Variants in TBC1D8B observed in about 807,000 individuals in gnomAD.
The protein encoded by TBC1D8B is TBC1 domain family member 8B.
Under a neutral mutation model 82.9 loss-of-function variants are expected in TBC1D8B, and 75 were observed. The ratio of observed to expected loss-of-function variants is 0.90; its 90% CI spans 0.75 to 1.10. The LOEUF (loss-of-function observed/expected upper bound fraction) is 1.10. TBC1D8B is among the 50% of genes least tolerant of loss of function. The pLI is 0.00. For synonymous variants in TBC1D8B, 276 were observed against 276.8 expected (o/e 1.00, Z 0.03); for missense variants, 794 against 796.9 (o/e 1.00, Z 0.04).
intron 1 of TBC1D8B, among the ~76,000 whole-genome samples, chrX:106,810,461 T>C (rs1254055007): frequency 8.9e-6 from 1 of 111,879 alleles, no homozygotes; most frequent in Non-Finnish European, 1.9e-5. Flanking sequence ...TAAAGAGCAA[T>C]GTCTTAATCT....
chrX:106,807,669 C>T (rs1335072935), intron 1 of TBC1D8B, among the ~76,000 whole-genome samples: 1 of 110,988 alleles, frequency 9.0e-6, no homozygotes, highest in Non-Finnish European at 1.9e-5. Context: ...TACTTGATTT[C>T]AGAGAACGAA....
At chrX:106,812,937 A>G (rs1373172754) in intron 1 of TBC1D8B, among the ~76,000 whole-genome samples, 1 of 110,962 alleles carries the variant, frequency 9.0e-6, no homozygotes, top group Non-Finnish European at 1.9e-5. Flanking sequence ...CAAGTGATGC[A>G]ACCTCCGCCT....
Position 106,814,540 on chromosome X carries a change from T to G in TBC1D8B, c.131-4123T>G, listed in dbSNP as rs781483741. On this transcript the variant is annotated intron_variant, in intron 1 of 20. Coordinates refer to ENST00000357242, the MANE Select transcript of TBC1D8B (RefSeq NM_017752.3). ...TGTGTCTTTATAGCAGCATGATTTA[T>G]AGTCCTTTGGGTATATACCCAGTAA... 7.5e-5 allele frequency: 8 copies of G among 107,313 alleles called. No homozygotes were observed. The East Asian group carries it at 2.3e-3, about 31-fold the overall frequency. The allele number at this position is 107,313 out of a possible 1,213,427, so 8.8% of individuals were successfully genotyped here.
At chrX:106,824,597 T>G (rs1210502037) in intron 5 of TBC1D8B, among the ~76,000 whole-genome samples, 2 of 111,617 alleles carry the variant, frequency 1.8e-5, no homozygotes, top group Non-Finnish European at 3.8e-5. Flanking sequence ...TGTATTTCAT[T>G]TCTTTATTGG....
chrX:106,847,157 A>G (rs1277153142), intron 10 of TBC1D8B, among the ~76,000 whole-genome samples: 1 of 111,924 alleles, frequency 8.9e-6, no homozygotes, highest in Non-Finnish European at 1.9e-5. Context: ...AAAGATAACC[A>G]TTGCAGCATT....
chrX:106,869,411 T>C lies in TBC1D8B; in HGVS notation c.2813-74T>C, dbSNP rs181912851. 1.5e-4 allele frequency: 140 copies of C among 923,554 alleles called. No individual in the cohort carries two copies. The East Asian group carries it at 4.3e-3, about 29-fold the overall frequency. The allele number at this position is 923,554 out of a possible 1,213,427, so 76.1% of individuals were successfully genotyped here. On this transcript the variant is annotated intron_variant, in intron 18 of 20. Transcript: ENST00000357242. ...ATAAAATAATGTGCTTATACGTCTA[T>C]ATGAAACATTATTTTGCTTTCAAAG... is the stretch of plus-strand genomic sequence containing the variant.
At chrX:106,840,935 A>G in intron 10 of TBC1D8B, 51 bp downstream of exon 10, 1 of 1,069,684 alleles carries the variant, frequency 9.3e-7, no homozygotes, top group Non-Finnish European at 1.3e-6. Flanking sequence ...ATAAAATCAC[A>G]TCAAATCCAA....
intron 1 of TBC1D8B, among the ~76,000 whole-genome samples, chrX:106,812,375 C>T (rs1456783549): frequency 8.9e-6 from 1 of 111,889 alleles, no homozygotes; most frequent in East Asian, 2.8e-4. Flanking sequence ...AGCATGACAA[C>T]TTATGACAAG....
chrX:106,808,080 TAATA>T (rs756171183), intron 1 of TBC1D8B, among the ~76,000 whole-genome samples: 1 of 110,520 alleles, frequency 9.0e-6, no homozygotes, highest in African/African-American at 3.3e-5. Context: ...ATAATAATAA[TAATA>T]AATAAACCAA....
At chrX:106,847,246 C>T (rs1932477581) in intron 10 of TBC1D8B, among the ~76,000 whole-genome samples, 1 of 111,098 alleles carries the variant, frequency 9.0e-6, no homozygotes, top group Admixed American at 9.6e-5. Flanking sequence ...ATTAGATCCA[C>T]CTTAGATTTT....
rs1363652416 is a variant in TBC1D8B at position 106,854,282 on chromosome X, A to T, written c.2338A>T (p.Thr780Ser). The part of the protein sequence containing the change: ...LYVIQTLEET[T>S]KQNVLRVVSQ... Reference sequence around the variant, plus strand: ...TGTGATACAGACCCTAGAGGAAACAACAAAACAGAATGTGGTAAGTATGCA... The same window carrying T: ...TGTGATACAGACCCTAGAGGAAACATCAAAACAGAATGTGGTAAGTATGCA... Residue 780 changes from threonine (T) to serine (S), a missense_variant, in exon 14 of 21, where the codon ACA (threonine) becomes TCA (serine). Physicochemically the swap from Thr to Ser is moderately conservative, Grantham distance 58 (BLOSUM62 1). Coordinates refer to ENST00000357242, the MANE Select transcript of TBC1D8B (RefSeq NM_017752.3). 1 of 1,178,629 alleles carries T rather than the reference A, an allele frequency of 8.5e-7. No individual in the cohort carries two copies. Among genetic ancestry groups the T allele is most frequent in the Admixed American group, 2.4e-5 (1 of 40,826 alleles).
In TBC1D8B at chrX:106,826,140, A is replaced by C; in HGVS notation, c.938A>C (p.His313Pro). 1 of 1,210,588 alleles carries C rather than the reference A, an allele frequency of 8.3e-7. No individual in the cohort carries two copies. Among genetic ancestry groups the C allele is most frequent in the East Asian group, 3.0e-5 (1 of 33,746 alleles). ...HECFLWVPFSHFNTHGKMCIS... is the reference protein window; with the variant it reads ...HECFLWVPFSPFNTHGKMCIS... ...TGTTTCTTATGGGTACCATTCAGCC[A>C]CTTCAATACTCATGGGAAAATGTGC... is the stretch of plus-strand genomic sequence containing the variant. Residue 313 changes from histidine (H) to proline (P), a missense_variant, in exon 6 of 21, where the codon CAC becomes CCC. Transcript: ENST00000357242.
At chrX:106,831,887 C>G in intron 7 of TBC1D8B, among the ~76,000 whole-genome samples, 1 of 110,885 alleles carries the variant, frequency 9.0e-6, no homozygotes, top group East Asian at 2.8e-4. Flanking sequence ...AGATTTTTAT[C>G]TTATCAATGA....
At chrX:106,836,741 A>G (rs776869700) in intron 7 of TBC1D8B, among the ~76,000 whole-genome samples, 1 of 111,636 alleles carries the variant, frequency 9.0e-6, no homozygotes, top group African/African-American at 3.2e-5. Flanking sequence ...AACAGTATTG[A>G]CAAGGAAAAA....
At chrX:106,842,788 A>T (rs1205612846) in intron 10 of TBC1D8B, among the ~76,000 whole-genome samples, 1 of 110,930 alleles carries the variant, frequency 9.0e-6, no homozygotes. Context: ...CTTCACCATT[A>T]TCTAATTCCA....
At chrX:106,816,248 G>A (rs1016801681) in intron 1 of TBC1D8B, among the ~76,000 whole-genome samples, 5 of 111,414 alleles carry the variant, frequency 4.5e-5, no homozygotes, top group Admixed American at 2.9e-4. Context: ...AAAATCACAA[G>A]CATTCTTATA....
chrX:106,824,849 A>G lies in TBC1D8B; in HGVS notation c.828-1181A>G, dbSNP rs759203526. Among the ~76,000 whole-genome samples the G allele has an allele frequency of 3.6e-5, 4 of 111,830 alleles. No individual in the cohort carries two copies. The South Asian group carries it at 1.1e-3, about 31-fold the overall frequency. On this transcript the variant is annotated intron_variant, in intron 5 of 20. Transcript: ENST00000357242. Reference sequence around the variant, plus strand: ...TCCAAATGGCTTTTTTATAAAATGGAATATCTTTATTGCTCTGCTTATTGT... The same window carrying G: ...TCCAAATGGCTTTTTTATAAAATGGGATATCTTTATTGCTCTGCTTATTGT...
chrX:106,858,358 C>T (rs1307974973), intron 14 of TBC1D8B, among the ~76,000 whole-genome samples: 1 of 111,720 alleles, frequency 9.0e-6, no homozygotes, highest in Non-Finnish European at 1.9e-5. Flanking sequence ...CTGCAAGCTC[C>T]GCCTCCCAGG....
chrX:106,822,834 C>CA (rs745979696), intron 4 of TBC1D8B, among the ~76,000 whole-genome samples: 2,172 of 53,151 alleles, frequency 0.041, 36 homozygotes, highest in Middle Eastern at 0.086. Flanking sequence ...TCTGTCTCTA[C>CA]AAAAAAAAAA....
Sources: gnomAD v4.1 joint callset for allele counts (sites outside exome capture counted in the v4.1 genomes callset) on GRCh38, gnomAD v4.1.1 for gene constraint, MANE v1.5 for transcripts, NCBI Gene and HGNC (gene_info 2026-07-23, HGNC 2026-07-21) for gene names.